The following STXBP5 variants were observed in gnomAD, a reference collection of about 807,000 sequenced individuals.
The protein encoded by STXBP5 is syntaxin-binding protein 5.
Under a neutral mutation model 152.4 loss-of-function variants are expected in STXBP5, and 50 were observed. That is an observed-to-expected ratio of 0.33 (90% confidence interval 0.26 to 0.42). The LOEUF (loss-of-function observed/expected upper bound fraction) is 0.42. STXBP5 is among the 10% of genes least tolerant of loss of function. STXBP5 has a pLI of 1.00. For synonymous variants in STXBP5, 492 were observed against 494.7 expected (o/e 0.99, Z 0.07); for missense variants, 1,167 against 1,388.6 (o/e 0.84, Z 2.54).
At chr6:147,246,137 T>C (rs1323567871) in intron 4 of STXBP5, among the ~76,000 whole-genome samples, 11 of 152,224 alleles carry the variant, frequency 7.2e-5, no homozygotes, top group African/African-American at 2.7e-4. Context: ...GAGAATTTGA[T>C]AAGTAAGACA....
rs138811262 is a variant in STXBP5 at position 147,248,835 on chromosome 6, G to A, written c.431+9565G>A. On this transcript the variant is annotated intron_variant, in intron 4 of 27. Transcript: ENST00000321680. ...AAAATACGAAGATGATCCTCAGTAG[G>A]CCTAACAAGCAGGTGAGCACTTAAG... 7.8e-4 allele frequency among the ~76,000 whole-genome samples: 119 copies of A among 152,256 alleles called. 1 individual carries two copies. Among genetic ancestry groups the A allele is most frequent in the South Asian group, 3.1e-3 (15 of 4,824 alleles).
At chr6:147,242,240 A>G (rs1778584218) in intron 4 of STXBP5, among the ~76,000 whole-genome samples, 1 of 152,052 alleles carries the variant, frequency 6.6e-6, no homozygotes, top group Non-Finnish European at 1.5e-5. Context: ...CTTATGGAAT[A>G]AGGATATAAA....
chr6:147,295,445 T>TC (rs1258708250), intron 9 of STXBP5, among the ~76,000 whole-genome samples: 2 of 151,806 alleles, frequency 1.3e-5, no homozygotes, highest in Non-Finnish European at 2.9e-5. Context: ...TTAATCACCA[T>TC]CCCCCCCACA....
intron 22 of STXBP5, among the ~76,000 whole-genome samples, chr6:147,356,511 G>C (rs1647651230): frequency 6.6e-6 from 1 of 151,666 alleles, no homozygotes; most frequent in Non-Finnish European, 1.5e-5. Flanking sequence ...ATTATGGAAA[G>C]TTGTTTCATT....
At chr6:147,349,730 A>G (rs1271795274) in intron 21 of STXBP5, among the ~76,000 whole-genome samples, 1 of 152,318 alleles carries the variant, frequency 6.6e-6, no homozygotes, top group Middle Eastern at 3.4e-3. Flanking sequence ...CTGGGAGGCC[A>G]GAAGTATATC....
chr6:147,263,138 A>T (rs1252729041), intron 6 of STXBP5, among the ~76,000 whole-genome samples: 1 of 151,870 alleles, frequency 6.6e-6, no homozygotes, highest in African/African-American at 2.4e-5. Context: ...ATATTGTTTA[A>T]CACTGTTCTC....
chr6:147,302,883 G>T (rs1781895773), intron 9 of STXBP5, among the ~76,000 whole-genome samples: 1 of 152,086 alleles, frequency 6.6e-6, no homozygotes, highest in Non-Finnish European at 1.5e-5. Flanking sequence ...TTATAATCAG[G>T]TTTTTTACAT....
intron 4 of STXBP5, among the ~76,000 whole-genome samples, chr6:147,240,811 C>T (rs187235190): frequency 6.6e-4 from 101 of 151,964 alleles, no homozygotes; most frequent in Middle Eastern, 3.4e-3. Flanking sequence ...TTGGGAGAAA[C>T]GAAACTTGGA....
At chr6:147,332,986 C>T (rs1468442598) in intron 18 of STXBP5, among the ~76,000 whole-genome samples, 1 of 151,936 alleles carries the variant, frequency 6.6e-6, no homozygotes, top group Non-Finnish European at 1.5e-5. Flanking sequence ...GACAAAAATA[C>T]CAAGGGGGTA....
chr6:147,382,215 C>A (rs377231625), intron 26 of STXBP5, among the ~76,000 whole-genome samples: 1 of 152,120 alleles, frequency 6.6e-6, no homozygotes, highest in South Asian at 2.1e-4. Flanking sequence ...AAATGTGATC[C>A]ATTTGGTAAA....
In STXBP5 at chr6:147,216,119, C is replaced by T. The variant is rs11967097; in HGVS notation, c.248+10051C>T. 9.9e-3 allele frequency among the ~76,000 whole-genome samples: 1,515 copies of T among 152,266 alleles called. 22 individuals carry two copies. The highest frequency in any genetic ancestry group is 0.033 in the African/African-American group (1,391 of 41,550). ...TTTTTTAAAAATTCATGGCTGGGCACGGTTGCTCACGCCTGTAATCCCAGC... is the reference window on the plus strand; with the variant it reads ...TTTTTTAAAAATTCATGGCTGGGCATGGTTGCTCACGCCTGTAATCCCAGC... On this transcript the variant is annotated intron_variant, in intron 2 of 27. Transcript: ENST00000321680.
At chr6:147,229,840 A>G (rs1453264224) in intron 2 of STXBP5, among the ~76,000 whole-genome samples, 1 of 151,648 alleles carries the variant, frequency 6.6e-6, no homozygotes, top group African/African-American at 2.4e-5. Context: ...TTCTATTCTG[A>G]ACACTTTTTT....
intron 26 of STXBP5, among the ~76,000 whole-genome samples, chr6:147,377,807 C>T (rs1362004458): frequency 6.6e-6 from 1 of 151,998 alleles, no homozygotes; most frequent in Non-Finnish European, 1.5e-5. Context: ...GGGGACATAA[C>T]TGTTGAGTGT....
intron 19 of STXBP5, among the ~76,000 whole-genome samples, chr6:147,337,361 A>G (rs1050224196): frequency 6.6e-6 from 1 of 152,164 alleles, no homozygotes; most frequent in African/African-American, 2.4e-5. Context: ...AGCTGTAGAT[A>G]TTATCTGTGT....
At chr6:147,308,652 A>G (rs1035809021) in intron 9 of STXBP5, among the ~76,000 whole-genome samples, 1 of 152,176 alleles carries the variant, frequency 6.6e-6, no homozygotes. Context: ...AAAGCAAGGA[A>G]AGATACATAA....
chr6:147,317,861 G>T (rs1030272860), intron 16 of STXBP5, among the ~76,000 whole-genome samples: 1 of 151,956 alleles, frequency 6.6e-6, no homozygotes, highest in Non-Finnish European at 1.5e-5. Context: ...TAATGCCCTT[G>T]TTTCTGATTT....
Position 147,204,526 on chromosome 6 carries a change from C to G in STXBP5, c.-7C>G, listed in dbSNP as rs1776434982. ...CTCCCGGGCTGCGGGGGAGCCCCTC[C>G]GAGACCATGAGGAAATTCAACATCA... On this transcript the variant is annotated 5_prime_UTR_variant, in exon 1 of 28. Transcript: ENST00000321680. The surrounding 1 kb of genome is among the most constrained non-coding windows in gnomAD (Gnocchi z 4.3). The G allele has an allele frequency of 2.5e-6, 4 of 1,611,428 alleles. No homozygotes were observed. Among genetic ancestry groups the G allele is most frequent in the Non-Finnish European group, 3.4e-6 (4 of 1,179,200 alleles).
At position 147,359,279 on chromosome 6, in the gene STXBP5, G is replaced by C. The variant is rs534413042; in HGVS notation, c.2501G>C (p.Gly834Ala). The change falls in exon 23 of 28, where the codon GGG becomes GCG. Residue 834 changes from glycine (G) to alanine (A), a missense_variant. By Grantham distance (60) the Gly-to-Ala change is moderately conservative. Transcript: ENST00000321680. ...GTCATTGCACTGAACCTTCCCCCAG[G>C]GGGAGAGCAAAGACTTCTTCAGCCA... ...VLVIALNLPPGGEQRLLQPVI... is the reference protein window; with the variant it reads ...VLVIALNLPPAGEQRLLQPVI... 5.0e-6 allele frequency: 8 copies of C among 1,613,962 alleles called. No individual in the cohort carries two copies. Among genetic ancestry groups the C allele is most frequent in the South Asian group, 2.2e-5 (2 of 91,074 alleles).
At chr6:147,339,986 A>G (rs894922108) in intron 21 of STXBP5, among the ~76,000 whole-genome samples, 4 of 152,076 alleles carry the variant, frequency 2.6e-5, no homozygotes, top group Admixed American at 6.6e-5. Context: ...AACAAAATAT[A>G]TAATCAAACT....
Sources: gnomAD v4.1 joint callset for allele counts (sites outside exome capture counted in the v4.1 genomes callset) on GRCh38, gnomAD v4.1.1 for gene constraint, Gnocchi (gnomAD v3.1) non-coding constraint, MANE v1.5 for transcripts, NCBI Gene and HGNC (gene_info 2026-07-23, HGNC 2026-07-21) for gene names.